RSPO2: variants seen among roughly 807,000 people sequenced by gnomAD.
RSPO2 encodes R-spondin 2.
RSPO2 carries 14 observed loss-of-function variants against 30.9 expected under a neutral mutation model. The observed-to-expected ratio is 0.45, with a 90% CI of 0.30 to 0.71. RSPO2 has a LOEUF of 0.71. Among genes scored for constraint, RSPO2 ranks in the 30% least tolerant of loss-of-function variants. The probability of loss-of-function intolerance (pLI) is 0.08; values close to 1 mark genes in which losing one functional copy is unlikely to be tolerated. For missense variants in RSPO2, 264 were observed against 301.9 expected (o/e 0.87, Z 0.93); for synonymous variants, 107 against 96.4 (o/e 1.11, Z -0.64).
rs569731624 is a variant in RSPO2 at position 108,001,751 on chromosome 8, G to GA, written c.95-12508dup. Among the ~76,000 whole-genome samples, 631 of 149,412 alleles carry GA rather than the reference G, an allele frequency of 4.2e-3. 7 individuals are homozygous for GA. Among genetic ancestry groups the GA allele is most frequent in the African/African-American group, 0.014 (576 of 40,700 alleles). ...AAGCCACCTGCTTGAATCAGTGAGGGAAAAAAAAAATTGTACTCCATAAAT... is the reference window on the plus strand; with the variant it reads ...AAGCCACCTGCTTGAATCAGTGAGGGAAAAAAAAAAATTGTACTCCATAAAT... On this transcript the variant is annotated intron_variant, in intron 2 of 5. Transcript: ENST00000276659.
intron 3 of RSPO2, among the ~76,000 whole-genome samples, chr8:107,961,868 ATAAGCTTGTAT>A (rs1435635647): frequency 1.3e-5 from 2 of 152,258 alleles, no homozygotes; most frequent in Non-Finnish European, 2.9e-5. Context: ...GCAATAATTT[ATAAGCTTGTAT>A]TCTAGATCAC....
chr8:108,062,311 G>T (rs1812496212), intron 2 of RSPO2, among the ~76,000 whole-genome samples: 1 of 151,786 alleles, frequency 6.6e-6, no homozygotes, highest in Non-Finnish European at 1.5e-5. Flanking sequence ...AAGAAGAAAA[G>T]AGAGAAGAAT....
intron 5 of RSPO2, among the ~76,000 whole-genome samples, chr8:107,926,404 A>C (rs1036138733): frequency 6.6e-6 from 1 of 151,988 alleles, no homozygotes; most frequent in East Asian, 1.9e-4. Flanking sequence ...TCTTTAGTTT[A>C]ATTAGATCCC....
At chr8:107,977,989 T>A (rs2453423) in intron 3 of RSPO2, among the ~76,000 whole-genome samples, 1 of 151,906 alleles carries the variant, frequency 6.6e-6, no homozygotes, top group Non-Finnish European at 1.5e-5. Flanking sequence ...CACATCTCTA[T>A]GCAACTGTGT....
chr8:107,996,020 G>T (rs1191078712), intron 2 of RSPO2, among the ~76,000 whole-genome samples: 1 of 152,028 alleles, frequency 6.6e-6, no homozygotes, highest in South Asian at 2.1e-4. Context: ...GTTTTATTCT[G>T]GTATCATTCT....
intron 5 of RSPO2, among the ~76,000 whole-genome samples, chr8:107,956,074 T>C (rs1380647442): frequency 6.6e-6 from 1 of 152,210 alleles, no homozygotes; most frequent in Non-Finnish European, 1.5e-5. Context: ...GATACTCCCC[T>C]GGAAGTTACG....
chr8:107,961,802 T>A (rs571001078), intron 3 of RSPO2, among the ~76,000 whole-genome samples: 1 of 152,120 alleles, frequency 6.6e-6, no homozygotes, highest in Admixed American at 6.6e-5. Flanking sequence ...CACAGTGAAT[T>A]AGAAACATGT....
intron 3 of RSPO2, among the ~76,000 whole-genome samples, chr8:107,981,075 T>A (rs976909797): frequency 1.1e-4 from 17 of 152,236 alleles, no homozygotes; most frequent in African/African-American, 3.9e-4. Flanking sequence ...TCTTTATAGA[T>A]CTTCAAACAC....
intron 2 of RSPO2, among the ~76,000 whole-genome samples, chr8:108,034,964 A>G (rs1171108662): frequency 6.6e-6 from 1 of 152,228 alleles, no homozygotes; most frequent in African/African-American, 2.4e-5. Flanking sequence ...TTTCCATCCT[A>G]TCATAACACA....
intron 5 of RSPO2, among the ~76,000 whole-genome samples, chr8:107,907,068 C>CT (rs1439995162): frequency 2.0e-5 from 3 of 151,810 alleles, no homozygotes; most frequent in Non-Finnish European, 2.9e-5. Flanking sequence ...TTACATTTTA[C>CT]TTATTCACAT....
At chr8:108,052,073 A>G (rs1207901911) in intron 2 of RSPO2, among the ~76,000 whole-genome samples, 2 of 152,162 alleles carry the variant, frequency 1.3e-5, no homozygotes, top group African/African-American at 4.8e-5. Flanking sequence ...CTCTAAAATG[A>G]CTCATTCTCC....
intron 5 of RSPO2, among the ~76,000 whole-genome samples, chr8:107,914,412 A>G (rs2130285164): frequency 6.6e-6 from 1 of 152,222 alleles, no homozygotes; most frequent in South Asian, 2.1e-4. Flanking sequence ...AAGACTACAG[A>G]GAATGCATTG....
At chr8:107,921,688 T>C (rs571518769) in intron 5 of RSPO2, among the ~76,000 whole-genome samples, 56 of 152,224 alleles carry the variant, frequency 3.7e-4, no homozygotes, top group East Asian at 1.4e-3. Flanking sequence ...TTGAGGAACA[T>C]TGATGCAAAA....
At chr8:107,932,668 C>T (rs1812586952) in intron 5 of RSPO2, among the ~76,000 whole-genome samples, 1 of 151,966 alleles carries the variant, frequency 6.6e-6, no homozygotes, top group Admixed American at 6.6e-5. Context: ...AAATACAAGT[C>T]GGTACAATGT....
chr8:107,990,665 AC>A (rs1053932093), intron 2 of RSPO2, among the ~76,000 whole-genome samples: 27 of 152,342 alleles, frequency 1.8e-4, no homozygotes, highest in African/African-American at 6.3e-4. Context: ...TTTCCATTAA[AC>A]TACCATTGAC....
chr8:108,055,016 G>C (rs1812199080), intron 2 of RSPO2, among the ~76,000 whole-genome samples: 1 of 152,140 alleles, frequency 6.6e-6, no homozygotes, highest in African/African-American at 2.4e-5. Flanking sequence ...AGCTACTCAG[G>C]GGGCTGAGGT....
At chr8:108,012,272 C>T (rs1364833086) in intron 2 of RSPO2, among the ~76,000 whole-genome samples, 1 of 152,222 alleles carries the variant, frequency 6.6e-6, no homozygotes, top group Non-Finnish European at 1.5e-5. Flanking sequence ...CCTGCAGCAT[C>T]AGCATCACCT....
intron 5 of RSPO2, among the ~76,000 whole-genome samples, chr8:107,907,763 A>T (rs1404708210): frequency 6.6e-6 from 1 of 152,130 alleles, no homozygotes; most frequent in Non-Finnish European, 1.5e-5. Flanking sequence ...AGCTATTTCA[A>T]TCAGCCAGTT....
intron 5 of RSPO2, among the ~76,000 whole-genome samples, chr8:107,930,201 G>A (rs1342917023): frequency 6.6e-6 from 1 of 152,112 alleles, no homozygotes; most frequent in Non-Finnish European, 1.5e-5. Flanking sequence ...GGAAACTTTT[G>A]GGTTTGTAAA....
Sources: allele counts gnomAD v4.1 joint callset (sites outside exome capture counted in the v4.1 genomes callset), GRCh38; gene constraint gnomAD v4.1.1; transcripts MANE v1.5; gene names NCBI Gene and HGNC (gene_info 2026-07-23, HGNC 2026-07-21).